Variants in TPD52L3 observed in about 807,000 individuals in gnomAD.
TPD52L3 encodes tumor protein D55.
A neutral mutation model predicts 8.7 loss-of-function variants in TPD52L3; 12 were observed. The ratio of observed to expected loss-of-function variants is 1.38; its 90% CI spans 0.89 to 2.24. The LOEUF (loss-of-function observed/expected upper bound fraction) is 2.24. Among genes scored for constraint, TPD52L3 ranks in the 30% most tolerant of loss-of-function variants. TPD52L3 has a pLI of 0.00. For missense variants in TPD52L3, 207 were observed against 158.7 expected, an observed-to-expected ratio of 1.30 and a Z score of -1.64; for synonymous variants, 79 against 66.8, an observed-to-expected ratio of 1.18 and a Z score of -0.89.
chr9:6,331,059 C>T lies in TPD52L3; in HGVS notation c.*40C>T. ...GACATCAAATATGGAATCCAAGAGA[C>T]TATCAACAACATGAACTTGTTCACA... On this transcript the variant is annotated 3_prime_UTR_variant, in exon 2 of 2. Transcript: ENST00000314556. 6 of 1,582,982 alleles carry T rather than the reference C, an allele frequency of 3.8e-6. No individual in the cohort carries two copies. Among genetic ancestry groups the T allele is most frequent in the East Asian group, 2.2e-5 (1 of 44,606 alleles).
At chr9:6,329,073 G>T in intron 1 of TPD52L3, 111 bp downstream of exon 1, 3 of 1,573,014 alleles carry the variant, frequency 1.9e-6, no homozygotes, top group Non-Finnish European at 1.7e-6. Flanking sequence ...TGGGGTGTGG[G>T]GAAGACCCAC....
chr9:6,330,623 A>G, intron 1 of TPD52L3: 1 of 1,166,332 alleles, frequency 8.6e-7, no homozygotes, highest in Non-Finnish European at 1.1e-6. Flanking sequence ...CAGATTTCTG[A>G]AGACAAAGTT....
chr9:6,329,568 T>C (rs1469297017), intron 1 of TPD52L3: 3 of 1,002,220 alleles, frequency 3.0e-6, no homozygotes, highest in Non-Finnish European at 3.6e-6. Flanking sequence ...GTAGTGTTTT[T>C]TTGGTTTGTT....
intron 1 of TPD52L3, chr9:6,330,097 T>C (rs2130618188): frequency 6.3e-7 from 1 of 1,591,992 alleles, no homozygotes; most frequent in African/African-American, 1.4e-5. Context: ...AGAACGTCTG[T>C]CCCCTGTGAT....
intron 1 of TPD52L3, 22 bp downstream of exon 1, chr9:6,328,984 C>A (rs1347023147): frequency 1.2e-6 from 2 of 1,614,136 alleles, no homozygotes; most frequent in Non-Finnish European, 1.7e-6. Flanking sequence ...ACAATCAAGT[C>A]CAAAGTCTCA....
rs554477691 is a variant in TPD52L3, at chr9:6,328,673, G to A, written c.78G>A (p.Glu26=). 106 of 1,614,150 alleles carry A rather than the reference G, an allele frequency of 6.6e-5. No homozygotes were observed. The Middle Eastern group carries it at 1.2e-3, about 18-fold the overall frequency. Residue 26 remains glutamate, a synonymous_variant, in exon 1 of 2, where the codon GAG becomes GAA. Coordinates refer to ENST00000314556, the MANE Select transcript of TPD52L3 (RefSeq NM_001001874.3). ...CTTCTGAACTGGAGGATCTGACAGA[G>A]CCCGAGCAAAGAGAGCTCAAAACCA... ...HSTSELEDLT[E]PEQRELKTKL...
At position 6,331,255 on chromosome 9, in the gene TPD52L3, G is replaced by C. The variant is rs1387832547; in HGVS notation, c.*236G>C. 1.0e-5 allele frequency: 4 copies of C among 399,754 alleles called. No individual in the cohort carries two copies. Among genetic ancestry groups the C allele is most frequent in the Admixed American group, 4.3e-5 (1 of 23,318 alleles). The allele number at this position is 399,754 out of a possible 1,614,324, so 24.8% of individuals were successfully genotyped here. ...TTATAATTCAATGAGTCCTAAAATA[G>C]AGCTGTGTGCCAGAGATAAAAGAAG... On this transcript the variant is annotated 3_prime_UTR_variant, in exon 2 of 2. Coordinates refer to ENST00000314556, the MANE Select transcript of TPD52L3 (RefSeq NM_001001874.3).
chr9:6,329,015 C>G lies in TPD52L3; in HGVS notation c.367+53C>G, dbSNP rs150262551. ...TCTCAGGGGGCAAAAGAGCTTGGCC[C>G]TGACTGTCTTTCTTCTGCGGAGGGT... On this transcript the variant is annotated intron_variant, in intron 1 of 1. Transcript: ENST00000314556. 1.2e-3 allele frequency: 1,856 copies of G among 1,613,364 alleles called. 19 individuals carry two copies. The East Asian group carries it at 0.024, about 21-fold the overall frequency.
intron 1 of TPD52L3, 61 bp from the exon 2 acceptor site, chr9:6,330,915 G>A (rs1037885): frequency 0.94 from 1,505,819 of 1,593,854 alleles, 712,269 homozygotes; most frequent in East Asian, 1. Context: ...TCTCAACTCC[G>A]TAAAAGTAGT....
rs1206911745 is a variant in TPD52L3, at chr9:6,330,999, T to C, written c.391T>C (p.Leu131=). ...FEGLIFNKYT[L]NQGRN ...AGGATTGATCTTCAATAAATACACGTTAAATCAAGGAAGGAATTAACATCA... is the reference window on the plus strand; with the variant it reads ...AGGATTGATCTTCAATAAATACACGCTAAATCAAGGAAGGAATTAACATCA... Residue 131 remains leucine, a synonymous_variant, in exon 2 of 2, where the codon TTA becomes CTA. Transcript: ENST00000314556. The C allele has an allele frequency of 1.2e-6, 2 of 1,612,988 alleles. No homozygotes were observed. The highest frequency in any genetic ancestry group is 1.7e-6 in the Non-Finnish European group (2 of 1,179,470).
intron 1 of TPD52L3, chr9:6,329,426 C>T: frequency 9.5e-7 from 1 of 1,050,242 alleles, no homozygotes; most frequent in South Asian, 3.8e-5. Context: ...TTTCCTGAGA[C>T]TGTATCTAAT....
At position 6,328,606 on chromosome 9, in the gene TPD52L3, C is replaced by G; in HGVS notation, c.11C>G (p.Ala4Gly). The change falls in exon 1 of 2, where the codon GCC becomes GGC. Residue 4 changes from alanine to glycine, a missense_variant. Transcript: ENST00000314556. ...CTTCTTTCCCAGTCCATGCCACATG[C>G]CAGGACAGAGACCTCTGTGGGCACA... MPHARTETSVGTYE... is the reference protein window; with the variant it reads MPHGRTETSVGTYE... 1 of 1,613,502 alleles carries G rather than the reference C, an allele frequency of 6.2e-7. No individual in the cohort carries two copies. The highest frequency in any genetic ancestry group is 1.3e-5 in the African/African-American group (1 of 75,034).
At position 6,330,141 on chromosome 9, in the gene TPD52L3, T is replaced by G. The variant is rs1427565938; in HGVS notation, c.368-835T>G. ...TTATGCCTTTGAATGGACCTAACTA[T>G]ACATCTTTGCTCTTAACTCCAAGTC... On this transcript the variant is annotated intron_variant, in intron 1 of 1. Coordinates refer to ENST00000314556, the MANE Select transcript of TPD52L3 (RefSeq NM_001001874.3). 12 of 1,613,236 alleles carry G rather than the reference T, an allele frequency of 7.4e-6. No individual in the cohort carries two copies. The Middle Eastern group carries it at 6.6e-4, about 89-fold the overall frequency.
chr9:6,330,002 A>T, intron 1 of TPD52L3: 1 of 1,341,666 alleles, frequency 7.5e-7, no homozygotes, highest in South Asian at 2.4e-5. Context: ...CTAGTTAGTT[A>T]CCACCTCCAG....
At chr9:6,329,953 T>A (rs1470787937) in intron 1 of TPD52L3, 2 of 1,315,664 alleles carry the variant, frequency 1.5e-6, no homozygotes, top group African/African-American at 3.0e-5. Context: ...TAGCAGCACT[T>A]CACTTAAAAG....
Position 6,328,501 on chromosome 9 carries a change from C to A in TPD52L3, c.-95C>A, listed in dbSNP as rs987565381. ...CCTGCAGGCCTAGATTTCGACTCTGCTGGCCAAGATTATTTCTCTGCAGCC... is the reference window on the plus strand; with the variant it reads ...CCTGCAGGCCTAGATTTCGACTCTGATGGCCAAGATTATTTCTCTGCAGCC... On this transcript the variant is annotated 5_prime_UTR_variant, in exon 1 of 2. In the 5' UTR this introduces an upstream ATG that the reference lacks. Transcript: ENST00000314556. The A allele has an allele frequency of 6.8e-6, 10 of 1,466,942 alleles. No homozygotes were observed. The highest frequency in any genetic ancestry group is 9.1e-6 in the Non-Finnish European group (10 of 1,093,714). The allele number at this position is 1,466,942 out of a possible 1,614,324, so 90.9% of individuals were successfully genotyped here. A position where few individuals can be genotyped will look rare whatever the true frequency, so the allele number is the denominator to read the frequency against.
At chr9:6,329,809 G>A in intron 1 of TPD52L3, 1 of 1,069,984 alleles carries the variant, frequency 9.3e-7, no homozygotes, top group Admixed American at 5.3e-5. Flanking sequence ...AAACAACAGT[G>A]TCAGTTTAGG....
intron 1 of TPD52L3, chr9:6,329,921 T>C (rs951282150): frequency 9.2e-6 from 12 of 1,298,010 alleles, no homozygotes; most frequent in Non-Finnish European, 1.2e-5. Context: ...AGTTTAACCC[T>C]TGAAGCAGCA....
At chr9:6,330,206 G>A (rs1236651530) in intron 1 of TPD52L3, 2 of 1,614,062 alleles carry the variant, frequency 1.2e-6, no homozygotes, top group South Asian at 1.1e-5. Flanking sequence ...GAAGGAAGCA[G>A]AATATAACCC....
Sources: gnomAD v4.1 joint callset for allele counts on GRCh38, gnomAD v4.1.1 for gene constraint, MANE v1.5 for transcripts, NCBI Gene and HGNC (gene_info 2026-07-23, HGNC 2026-07-21) for gene names.